TTYH2: variants seen among roughly 807,000 people sequenced by gnomAD.
TTYH2 encodes tweety family member 2.
In TTYH2, 49 loss-of-function variants were observed where a neutral mutation model predicts 68.3. That is an observed-to-expected ratio of 0.72 (90% confidence interval 0.57 to 0.91). The LOEUF (loss-of-function observed/expected upper bound fraction) is 0.91. TTYH2 is among the 40% of genes least tolerant of loss of function. The pLI, the probability that TTYH2 is intolerant of heterozygous loss-of-function variation, is 0.00. For synonymous variants in TTYH2, 272 were observed against 300.8 expected, an observed-to-expected ratio of 0.90 and a Z score of 0.99; for missense variants, 631 against 700.4, an observed-to-expected ratio of 0.90 and a Z score of 1.12.
In TTYH2 at chr17:74,217,175, G is replaced by T. The variant is rs2050228937; in HGVS notation, c.129+3459G>T. Among the ~76,000 whole-genome samples the T allele has an allele frequency of 6.6e-6, 1 of 152,234 alleles. No individual in the cohort carries two copies. On this transcript the variant is annotated intron_variant, in intron 1 of 13. Coordinates refer to ENST00000269346, the MANE Select transcript of TTYH2 (RefSeq NM_032646.6). This position sits in a 1 kb window ranked among gnomAD's most constrained non-coding sequence, Gnocchi z 4.0. ...CTCAGTTCTTGAAACATCTTAGTAA[G>T]CTCCCAAAGGCTGTGCAAATGTTAG...
At position 74,252,245 on chromosome 17, in the gene TTYH2, C is replaced by T. The variant is rs139944691; in HGVS notation, c.1128C>T (p.Asp376=). ...TCCTCTTCCTCCAGGATTATCTGGA[C>T]GCTCTTGCTGGCATCTGCTACGACG... The part of the protein sequence containing the change: ...DCRGLHKDYL[D]ALAGICYDGL... The change falls in exon 11 of 14, where the codon GAC becomes GAT. Residue 376 remains aspartate, a synonymous_variant. Transcript: ENST00000269346. 127 of 1,612,832 alleles carry T rather than the reference C, an allele frequency of 7.9e-5. No individual in the cohort carries two copies. The highest frequency in any genetic ancestry group is 9.8e-5 in the Non-Finnish European group (116 of 1,180,034).
At chr17:74,228,311 G>A (rs116493826) in intron 2 of TTYH2, among the ~76,000 whole-genome samples, 1 of 152,062 alleles carries the variant, frequency 6.6e-6, no homozygotes, top group African/African-American at 2.4e-5. Flanking sequence ...TCCTCCAGGG[G>A]GTTCCGTCCT....
At position 74,249,480 on chromosome 17, in the gene TTYH2, C is replaced by T. The variant is rs1598230323; in HGVS notation, c.930+81C>T. ...TAAGCCTCACCACTGACCAAGATGG[C>T]GGAGGTGGCAGGGCCTTGCTTGCCT... On this transcript the variant is annotated intron_variant, in intron 8 of 13. Coordinates refer to ENST00000269346, the MANE Select transcript of TTYH2 (RefSeq NM_032646.6). The T allele has an allele frequency of 1.1e-5, 17 of 1,486,606 alleles. No homozygotes were observed. In the East Asian group the frequency reaches 2.3e-4, roughly 20 times the overall value. 92.1% of individuals were successfully genotyped at this position (1,486,606 alleles called of 1,614,324 possible).
rs2050205033 is a variant in TTYH2 at position 74,214,686 on chromosome 17, G to A, written c.129+970G>A. Among the ~76,000 whole-genome samples, 1 of 152,182 alleles carries A rather than the reference G, an allele frequency of 6.6e-6. No individual in the cohort carries two copies. The highest frequency in any genetic ancestry group is 2.4e-5 in the African/African-American group (1 of 41,440). On this transcript the variant is annotated intron_variant, in intron 1 of 13. Transcript: ENST00000269346. This position sits in a 1 kb window ranked among gnomAD's most constrained non-coding sequence, Gnocchi z 4.6. ...CTGCTCTGGCCCCGGGAGCCCACCTGTATCAGTTCCTTGTGTTGGGTCAAA... is the reference window on the plus strand; with the variant it reads ...CTGCTCTGGCCCCGGGAGCCCACCTATATCAGTTCCTTGTGTTGGGTCAAA...
In TTYH2 at chr17:74,215,612, A is replaced by AC; in HGVS notation, c.129+1901dup. 6.5e-7 allele frequency: 1 copy of AC among 1,535,010 alleles called. No individual in the cohort carries two copies. The highest frequency in any genetic ancestry group is 8.7e-7 in the Non-Finnish European group (1 of 1,146,688). ...TGCCCACTGGCTCCTGGTCCCGCTC[A>AC]CCCCCTCACCACCACTCAGATCGCT... is the stretch of plus-strand genomic sequence containing the variant. On this transcript the variant is annotated intron_variant, in intron 1 of 13. Coordinates refer to ENST00000269346, the MANE Select transcript of TTYH2 (RefSeq NM_032646.6). This position sits in a 1 kb window ranked among gnomAD's most constrained non-coding sequence, Gnocchi z 4.3.
At chr17:74,253,384 A>C (rs1385443721) in intron 12 of TTYH2, 118 bp downstream of exon 12, 1 of 1,272,730 alleles carries the variant, frequency 7.9e-7, no homozygotes, top group Admixed American at 2.7e-5. Flanking sequence ...TCCCCACTAC[A>C]GCCACAGGGT....
chr17:74,253,023 G>T, intron 11 of TTYH2, 58 bp from the exon 12 acceptor site: 1 of 1,579,668 alleles, frequency 6.3e-7, no homozygotes. Flanking sequence ...ACAGGACCTG[G>T]CTGCCTCGGA....
chr17:74,254,119 C>T (rs2050668420), intron 13 of TTYH2, among the ~76,000 whole-genome samples: 1 of 152,196 alleles, frequency 6.6e-6, no homozygotes, highest in Non-Finnish European at 1.5e-5. Context: ...CAGTAGTCCA[C>T]CTTAATCCAC....
intron 2 of TTYH2, 89 bp from the exon 3 acceptor site, chr17:74,230,799 C>G: frequency 1.5e-6 from 2 of 1,355,022 alleles, no homozygotes; most frequent in Non-Finnish European, 2.0e-6. Flanking sequence ...CATGAGCCAC[C>G]GCACCCAACC....
At position 74,243,470 on chromosome 17, in the gene TTYH2, G is replaced by T; in HGVS notation, c.731+1G>T. 6.2e-7 allele frequency: 1 copy of T among 1,614,004 alleles called. No homozygotes were observed. The highest frequency in any genetic ancestry group is 2.2e-5 in the East Asian group (1 of 44,864). ...AGCGCTCCAAGTGTCTCCTGGCCTC[G>T]TGAGTATCCCTACCCGTGGACCTGG... On this transcript the variant is annotated splice_donor_variant, in intron 5 of 13. Coordinates refer to ENST00000269346, the MANE Select transcript of TTYH2 (RefSeq NM_032646.6). LOFTEE classifies it high-confidence loss of function.
rs150219064 is a variant in TTYH2 at position 74,218,517 on chromosome 17, T to TA, written c.130-3961dup. Among the ~76,000 whole-genome samples the TA allele has an allele frequency of 3.3e-3, 469 of 141,362 alleles. 12 individuals are homozygous for TA. In the East Asian group the frequency reaches 0.075, roughly 23 times the overall value. The allele number at this position is 141,362 out of a possible 152,430, so 92.7% of individuals were successfully genotyped here. ...GTGAGAGCCTGTCTGTATTTTTTTT[T>TA]AAAAAAAGGAAATCAAAAAAAAAAA... On this transcript the variant is annotated intron_variant, in intron 1 of 13. Transcript: ENST00000269346.
chr17:74,250,114 A>G, intron 9 of TTYH2, 86 bp downstream of exon 9: 9 of 1,532,666 alleles, frequency 5.9e-6, no homozygotes, highest in Non-Finnish European at 8.1e-6. Flanking sequence ...CAGGCTGTGC[A>G]CAGCTTGCTG....
At chr17:74,219,391 A>C (rs1245573949) in intron 1 of TTYH2, among the ~76,000 whole-genome samples, 1 of 150,494 alleles carries the variant, frequency 6.6e-6, no homozygotes, top group African/African-American at 2.5e-5. Context: ...CCGTGTCAAA[A>C]AAAAAAAAAA....
At position 74,252,786 on chromosome 17, in the gene TTYH2, G is replaced by A. The variant is rs144666146; in HGVS notation, c.1260-295G>A. ...CAGTCCCCTTGAGGAGATGGGCAGG[G>A]ACACATGGTGTACAGGCACCTGGTG... On this transcript the variant is annotated intron_variant, in intron 11 of 13. Transcript: ENST00000269346. Among the ~76,000 whole-genome samples, 352 of 152,292 alleles carry A rather than the reference G, an allele frequency of 2.3e-3. 3 individuals carry two copies. The highest frequency in any genetic ancestry group is 8.3e-3 in the African/African-American group (343 of 41,570).
rs542954964 is a variant in TTYH2 at position 74,236,726 on chromosome 17, G to C, written c.415-568G>C. The stretch of plus-strand genomic sequence containing the variant: ...CCAGCATTCTCTCTCTCGGAGCCCA[G>C]ATCCTGTTTAAGGCCAGGTCAGGGA... On this transcript the variant is annotated intron_variant, in intron 3 of 13. Transcript: ENST00000269346. Among the ~76,000 whole-genome samples, 425 of 152,288 alleles carry C rather than the reference G, an allele frequency of 2.8e-3. 2 individuals carry two copies. Among genetic ancestry groups the C allele is most frequent in the African/African-American group, 9.6e-3 (397 of 41,556 alleles).
chr17:74,219,003 G>A (rs1331202820), intron 1 of TTYH2, among the ~76,000 whole-genome samples: 2 of 152,186 alleles, frequency 1.3e-5, no homozygotes, highest in African/African-American at 4.8e-5. Context: ...GCCGAGGCAG[G>A]TGGATCACTT....
In TTYH2 at chr17:74,215,641, TAGG is replaced by T. The variant is rs932586625; in HGVS notation, c.129+1928_129+1930del. ...CCTCACCACCACTCAGATCGCTGAGTAGGAGATGAGCGTGGTGGGCCAGGACCG... is the reference window on the plus strand; with the variant it reads ...CCTCACCACCACTCAGATCGCTGAGTAGATGAGCGTGGTGGGCCAGGACCG... On this transcript the variant is annotated intron_variant, in intron 1 of 13. Transcript: ENST00000269346. This position sits in a 1 kb window ranked among gnomAD's most constrained non-coding sequence, Gnocchi z 4.3. 1 of 1,535,594 alleles carries T rather than the reference TAGG, an allele frequency of 6.5e-7. No individual in the cohort carries two copies. Among genetic ancestry groups the T allele is most frequent in the African/African-American group, 1.4e-5 (1 of 73,138 alleles).
intron 1 of TTYH2, among the ~76,000 whole-genome samples, chr17:74,218,650 C>A (rs2050244722): frequency 6.6e-6 from 1 of 152,156 alleles, no homozygotes. Flanking sequence ...GGCCCCAGGC[C>A]ACAGGGGCTC....
At chr17:74,253,677 T>C in intron 12 of TTYH2, 78 bp from the exon 13 acceptor site, 2 of 1,448,926 alleles carry the variant, frequency 1.4e-6, no homozygotes, top group South Asian at 1.1e-5. Flanking sequence ...TGCTCACCCA[T>C]GGGACCCTCC....
Sources: gnomAD v4.1 joint callset for allele counts (sites outside exome capture counted in the v4.1 genomes callset) on GRCh38, gnomAD v4.1.1 for gene constraint, Gnocchi (gnomAD v3.1) non-coding constraint, MANE v1.5 for transcripts, NCBI Gene and HGNC (gene_info 2026-07-23, HGNC 2026-07-21) for gene names.